Variants in CLDN10 observed in about 807,000 individuals in gnomAD.
CLDN10 encodes the protein claudin-10.
CLDN10 carries 15 observed loss-of-function variants against 22.9 expected under a neutral mutation model. The observed-to-expected ratio is 0.65, with a 90% CI of 0.44 to 1.01. CLDN10 has a LOEUF of 1.01. Among genes scored for constraint, CLDN10 ranks in the 50% least tolerant of loss-of-function variants. The pLI, the probability that CLDN10 is intolerant of heterozygous loss-of-function variation, is 0.00. For synonymous variants in CLDN10, 114 were observed against 111.4 expected, an observed-to-expected ratio of 1.02 and a Z score of -0.15; for missense variants, 247 against 287.8, an observed-to-expected ratio of 0.86 and a Z score of 1.03.
At chr13:95,484,704 A>C (rs1243968354) in intron 1 of CLDN10, among the ~76,000 whole-genome samples, 3 of 95,254 alleles carry the variant, frequency 3.1e-5, no homozygotes, top group Middle Eastern at 6.1e-3. Context: ...AAAAAAAAAA[A>C]AACCCACAAA....
At chr13:95,436,194 T>C (rs1032703990) in intron 1 of CLDN10, among the ~76,000 whole-genome samples, 3 of 152,186 alleles carry the variant, frequency 2.0e-5, no homozygotes, top group Non-Finnish European at 4.4e-5. Flanking sequence ...TTTTTATTTA[T>C]TGTTTTTGAG....
intron 1 of CLDN10, among the ~76,000 whole-genome samples, chr13:95,477,209 G>A (rs1419490323): frequency 6.6e-6 from 1 of 152,218 alleles, no homozygotes; most frequent in Non-Finnish European, 1.5e-5. Context: ...AAGAGGCAGA[G>A]GGAGAAGAGA....
At chr13:95,471,991 C>T (rs909901891) in intron 1 of CLDN10, among the ~76,000 whole-genome samples, 9 of 147,900 alleles carry the variant, frequency 6.1e-5, no homozygotes, top group Non-Finnish European at 1.0e-4. Context: ...GCTTTATTGC[C>T]CAGGCTGGTC....
intron 1 of CLDN10, among the ~76,000 whole-genome samples, chr13:95,495,675 C>A (rs558451764): frequency 1.2e-4 from 17 of 143,652 alleles, no homozygotes; most frequent in Middle Eastern, 3.8e-3. Context: ...ACCCGGGAGG[C>A]GGAGCTTGCA....
intron 1 of CLDN10, among the ~76,000 whole-genome samples, chr13:95,505,968 G>C (rs949060411): frequency 8.5e-5 from 13 of 152,130 alleles, no homozygotes; most frequent in Admixed American, 8.5e-4. Context: ...TTGAACTCCT[G>C]ACCTCTGGTG....
intron 1 of CLDN10, among the ~76,000 whole-genome samples, chr13:95,505,422 G>A (rs547931087): frequency 4.3e-4 from 65 of 152,314 alleles, no homozygotes; most frequent in African/African-American, 1.4e-3. Flanking sequence ...ACTTGAAGTC[G>A]TTGGCTGACT....
chr13:95,479,456 A>G (rs1440090377), intron 1 of CLDN10: 1 of 152,218 alleles, frequency 6.6e-6, no homozygotes, highest in East Asian at 1.9e-4. Flanking sequence ...AGGATTGTCA[A>G]ATATTTTTAT....
intron 1 of CLDN10, among the ~76,000 whole-genome samples, chr13:95,526,099 T>C (rs2043278231): frequency 6.6e-6 from 1 of 152,248 alleles, no homozygotes; most frequent in Non-Finnish European, 1.5e-5. Flanking sequence ...ATCTCAACTA[T>C]GGTTTTTTTA....
rs2043978066 is a variant in CLDN10, at chr13:95,579,053, C to A, written c.*1039C>A. Reference sequence around the variant, plus strand: ...TGCCTAGTGTTCCATTATTGGAACACTAAGCATGTGGGAGTTATTTATATC... The same window carrying A: ...TGCCTAGTGTTCCATTATTGGAACAATAAGCATGTGGGAGTTATTTATATC... On this transcript the variant is annotated 3_prime_UTR_variant, in exon 5 of 5. Transcript: ENST00000299339. 6.6e-6 allele frequency: 1 copy of A among 152,154 alleles called. No homozygotes were observed. The highest frequency in any genetic ancestry group is 2.4e-5 in the African/African-American group (1 of 41,440). The allele number at this position is 152,154 out of a possible 1,614,324, so 9.4% of individuals were successfully genotyped here. A position where few individuals can be genotyped will look rare whatever the true frequency, so the allele number is the denominator to read the frequency against.
upstream of CLDN10, among the ~76,000 whole-genome samples, chr13:95,549,869 C>T (rs959993980): frequency 6.6e-5 from 10 of 152,200 alleles, no homozygotes; most frequent in Admixed American, 6.5e-4. Context: ...TTTCCCATCC[C>T]TTTTAAGTTG....
At chr13:95,450,756 C>G (rs953804389) in intron 1 of CLDN10, among the ~76,000 whole-genome samples, 1 of 152,204 alleles carries the variant, frequency 6.6e-6, no homozygotes, top group African/African-American at 2.4e-5. Context: ...CTCAGGTTAT[C>G]GTCTACCTGG....
intron 1 of CLDN10, among the ~76,000 whole-genome samples, chr13:95,471,201 C>G (rs532732508): frequency 6.6e-6 from 1 of 152,014 alleles, no homozygotes; most frequent in South Asian, 2.1e-4. Context: ...AACGGGAGTT[C>G]AGGGAATTCA....
chr13:95,562,820 T>C (rs926856726), intron 3 of CLDN10, among the ~76,000 whole-genome samples: 6 of 152,250 alleles, frequency 3.9e-5, no homozygotes, highest in Non-Finnish European at 5.9e-5. Flanking sequence ...TTAAAAATCA[T>C]TGGACTCTTT....
chr13:95,537,507 T>C (rs1168909519), intron 1 of CLDN10, among the ~76,000 whole-genome samples: 9 of 152,194 alleles, frequency 5.9e-5, no homozygotes, highest in African/African-American at 2.2e-4. Flanking sequence ...GAAGTAGAAT[T>C]GGGTGTCATA....
chr13:95,533,962 G>C lies in CLDN10; in HGVS notation c.215-26170G>C, dbSNP rs41277664. On this transcript the variant is annotated intron_variant, in intron 1 of 4. Coordinates refer to the CLDN10 transcript ENST00000376873. The stretch of plus-strand genomic sequence containing the variant: ...CCTCACTCACCAAGCCTCAGCCCCC[G>C]CCCATTTCCTCAGGGACATGCTCCC... 4 of 152,052 alleles carry C rather than the reference G, an allele frequency of 2.6e-5. No individual in the cohort carries two copies. In the South Asian group the frequency reaches 6.2e-4, roughly 24 times the overall value. The allele number at this position is 152,052 out of a possible 1,614,324, so 9.4% of individuals were successfully genotyped here.
At chr13:95,474,791 C>T (rs888958570) in intron 1 of CLDN10, among the ~76,000 whole-genome samples, 1 of 151,904 alleles carries the variant, frequency 6.6e-6, no homozygotes, top group Non-Finnish European at 1.5e-5. Flanking sequence ...CTGGTAAGAT[C>T]TGCCTTTTGG....
At chr13:95,524,559 T>C (rs1331930845) in intron 1 of CLDN10, among the ~76,000 whole-genome samples, 1 of 152,230 alleles carries the variant, frequency 6.6e-6, no homozygotes, top group African/African-American at 2.4e-5. Context: ...TTCTTCAGTT[T>C]ATAGAAATTT....
At chr13:95,539,157 G>A (rs554043979) in intron 1 of CLDN10, among the ~76,000 whole-genome samples, 5 of 152,192 alleles carry the variant, frequency 3.3e-5, no homozygotes, top group Non-Finnish European at 7.3e-5. Context: ...GGGATTACAG[G>A]CGTGAGCCAC....
intron 3 of CLDN10, among the ~76,000 whole-genome samples, chr13:95,575,580 C>T (rs1441151615): frequency 9.1e-6 from 1 of 109,810 alleles, no homozygotes; most frequent in East Asian, 2.9e-4. Context: ...GTGGACTTCG[C>T]TGCTCAGTTC....
Sources: allele counts gnomAD v4.1 joint callset (sites outside exome capture counted in the v4.1 genomes callset), GRCh38; gene constraint gnomAD v4.1.1; transcripts MANE v1.5; gene names NCBI Gene and HGNC (gene_info 2026-07-23, HGNC 2026-07-21).